The following RANBP2 variants were observed in gnomAD, a reference collection of about 807,000 sequenced individuals.
The protein encoded by RANBP2 is E3 SUMO-protein ligase RanBP2.
In RANBP2, 57 loss-of-function variants were observed where a neutral mutation model predicts 303.6. The observed-to-expected ratio is 0.19, with a 90% confidence interval of 0.15 to 0.23. The LOEUF (loss-of-function observed/expected upper bound fraction) is 0.23, where lower values mean the gene tolerates loss of function less well. RANBP2 is among the 10% of genes least tolerant of loss of function. The pLI, the probability that RANBP2 is intolerant of heterozygous loss-of-function variation, is 1.00. For missense variants in RANBP2, 3,138 were observed against 3,780.8 expected, an observed-to-expected ratio of 0.83 and a Z score of 4.46; for synonymous variants, 1,167 against 1,301.5, an observed-to-expected ratio of 0.90 and a Z score of 2.23.
chr2:109,375,662 A>G, the RANBP2 span, among the ~76,000 whole-genome samples: 1 of 152,190 alleles, frequency 6.6e-6, no homozygotes, highest in African/African-American at 2.4e-5. Context: ...TCACAGGAGG[A>G]TGGCAGGCGA....
At chr2:109,694,431 A>G in the RANBP2 span, among the ~76,000 whole-genome samples, 1 of 143,900 alleles carries the variant, frequency 6.9e-6, no homozygotes, top group Non-Finnish European at 1.5e-5. Flanking sequence ...TTGAGATGGA[A>G]TCTCACTCTG....
chr2:108,871,618 T>C, the RANBP2 span, among the ~76,000 whole-genome samples: 7 of 152,276 alleles, frequency 4.6e-5, no homozygotes, highest in Admixed American at 4.6e-4. Context: ...TTTTTGTACA[T>C]TGTTTATGTT....
chr2:108,930,096 G>T, the RANBP2 span: 1 of 1,607,424 alleles, frequency 6.2e-7, no homozygotes, highest in Non-Finnish European at 8.5e-7. Flanking sequence ...AGCGCACCAG[G>T]CTCCAGGAGG....
the RANBP2 span, among the ~76,000 whole-genome samples, chr2:109,575,992 C>T: frequency 1.3e-5 from 2 of 152,092 alleles, no homozygotes; most frequent in African/African-American, 4.8e-5. Flanking sequence ...CTCAGTGGCT[C>T]ACATCTGTAA....
the RANBP2 span, among the ~76,000 whole-genome samples, chr2:109,227,732 T>A: frequency 2.0e-5 from 3 of 152,244 alleles, no homozygotes; most frequent in Non-Finnish European, 4.4e-5. Context: ...CAGAATCTTG[T>A]GCAGTCCTTT....
At chr2:109,519,048 A>G in the RANBP2 span, among the ~76,000 whole-genome samples, 3 of 149,802 alleles carry the variant, frequency 2.0e-5, no homozygotes, top group African/African-American at 7.4e-5. Flanking sequence ...CCTCCCAAGT[A>G]TCTGGGATTA....
the RANBP2 span, among the ~76,000 whole-genome samples, chr2:109,066,773 C>T: frequency 6.6e-6 from 1 of 152,094 alleles, no homozygotes; most frequent in South Asian, 2.1e-4. Context: ...CCAGGACTGC[C>T]TGAGTTACAG....
the RANBP2 span, among the ~76,000 whole-genome samples, chr2:109,110,122 G>A: frequency 6.6e-6 from 1 of 152,178 alleles, no homozygotes; most frequent in African/African-American, 2.4e-5. Flanking sequence ...AGGGAGGCTG[G>A]AGTCTAGCAC....
chr2:109,093,563 T>C, the RANBP2 span, among the ~76,000 whole-genome samples: 1 of 152,146 alleles, frequency 6.6e-6, no homozygotes, highest in Non-Finnish European at 1.5e-5. Context: ...TGTGGTAGAA[T>C]TTAAAAGCCA....
At chr2:108,860,557 G>A in the RANBP2 span, among the ~76,000 whole-genome samples, 1 of 150,938 alleles carries the variant, frequency 6.6e-6, no homozygotes, top group African/African-American at 2.4e-5. Flanking sequence ...TTTATCTCAT[G>A]TTTTTTCTGC....
At chr2:109,567,743 A>G in the RANBP2 span, 1 of 1,386,580 alleles carries the variant, frequency 7.2e-7, no homozygotes, top group Non-Finnish European at 9.7e-7. Context: ...GTGTATTAGC[A>G]GCAATATTAC....
chr2:109,006,493 C>T, the RANBP2 span, among the ~76,000 whole-genome samples: 1 of 152,082 alleles, frequency 6.6e-6, no homozygotes, highest in Admixed American at 6.5e-5. Context: ...CGCGCCGGCC[C>T]TATTTGGGGG....
At chr2:109,624,179 C>T in the RANBP2 span, among the ~76,000 whole-genome samples, 2 of 152,184 alleles carry the variant, frequency 1.3e-5, no homozygotes, top group African/African-American at 4.8e-5. Flanking sequence ...AACCTTCACT[C>T]AGGTGGTGCT....
At chr2:109,209,602 C>T in the RANBP2 span, among the ~76,000 whole-genome samples, 23 of 152,284 alleles carry the variant, frequency 1.5e-4, no homozygotes, top group Middle Eastern at 3.4e-3. Context: ...TTCCTATCCA[C>T]TCCCTGCTGT....
chr2:108,963,514 A>C, the RANBP2 span, among the ~76,000 whole-genome samples: 1 of 152,158 alleles, frequency 6.6e-6, no homozygotes, highest in Non-Finnish European at 1.5e-5. Context: ...TACCCAATGT[A>C]CCCCAATGGT....
chr2:109,710,892 T>C, the RANBP2 span, among the ~76,000 whole-genome samples: 1 of 152,026 alleles, frequency 6.6e-6, no homozygotes, highest in Admixed American at 6.6e-5. Flanking sequence ...GATGTGTTCA[T>C]AATAGGAAGG....
chr2:108,804,442 A>T, the RANBP2 span, among the ~76,000 whole-genome samples: 1 of 152,156 alleles, frequency 6.6e-6, no homozygotes, highest in Non-Finnish European at 1.5e-5. Context: ...GAGGACAAGA[A>T]ATTAGTTGGT....
At chr2:109,325,323 CTTTCTTTCTTTTTTTTTTTTT>C in the RANBP2 span, among the ~76,000 whole-genome samples, 2 of 119,202 alleles carry the variant, frequency 1.7e-5, no homozygotes, top group African/African-American at 6.4e-5. Flanking sequence ...TTCTTTCTTT[CTTTCTTTCTTTTTTTTTTTTT>C]TTTTTTTTTT....
chr2:108,997,459 A>AAAAAAAAG, the RANBP2 span, among the ~76,000 whole-genome samples: 293 of 131,388 alleles, frequency 2.2e-3, 29 homozygotes, highest in East Asian at 0.022. Flanking sequence ...AAAAAAAAAA[A>AAAAAAAAG]AAAAGATGAT....
Sources: gnomAD v4.1 joint callset for allele counts (sites outside exome capture counted in the v4.1 genomes callset) on GRCh38, gnomAD v4.1.1 for gene constraint, MANE v1.5 for transcripts, NCBI Gene and HGNC (gene_info 2026-07-23, HGNC 2026-07-21) for gene names.